CADM2: variants seen among roughly 807,000 people sequenced by gnomAD.
CADM2 encodes cell adhesion molecule 2.
CADM2 carries 12 observed loss-of-function variants against 49.8 expected under a neutral mutation model. The observed-to-expected ratio is 0.24, with a 90% CI of 0.15 to 0.39. The LOEUF (loss-of-function observed/expected upper bound fraction) is 0.39. Ranked by LOEUF, CADM2 falls within the 10% of genes least tolerant of loss-of-function variation. The pLI, the probability that CADM2 is intolerant of heterozygous loss-of-function variation, is 1.00. For synonymous variants in CADM2, 214 were observed against 175.4 expected (o/e 1.22, Z -1.74); for missense variants, 378 against 492.3 (o/e 0.77, Z 2.20).
chr3:85,086,739 G>A (rs1252467915), intron 1 of CADM2, among the ~76,000 whole-genome samples: 1 of 151,968 alleles, frequency 6.6e-6, no homozygotes, highest in Non-Finnish European at 1.5e-5. Flanking sequence ...GAACTTCTGA[G>A]TGTAAATGAT....
intron 1 of CADM2, among the ~76,000 whole-genome samples, chr3:85,626,661 T>C (rs1211426068): frequency 6.6e-6 from 1 of 152,098 alleles, no homozygotes; most frequent in Non-Finnish European, 1.5e-5. Flanking sequence ...AAAATAGCAA[T>C]TATTAACTCA....
intron 8 of CADM2, among the ~76,000 whole-genome samples, chr3:86,009,378 G>A (rs893105193): frequency 8.6e-5 from 13 of 151,224 alleles, no homozygotes; most frequent in African/African-American, 2.9e-4. Context: ...AAATTTAAGG[G>A]AGGAAAATCT....
Position 85,637,621 on chromosome 3 carries a change from A to AAAAT in CADM2, c.62-88898_62-88897insTAAA, listed in dbSNP as rs2064548646. 6.1e-5 allele frequency among the ~76,000 whole-genome samples: 7 copies of AAAAT among 114,526 alleles called. 1 individual carries two copies. The highest frequency in any genetic ancestry group is 1.2e-4 in the Non-Finnish European group (7 of 57,992). The allele number at this position is 114,526 out of a possible 152,430, so 75.1% of individuals were successfully genotyped here. A position where few individuals can be genotyped will look rare whatever the true frequency, so the allele number is the denominator to read the frequency against. Reference sequence around the variant, plus strand: ...GAGACTCCGTCTCAAAAAAAAAAAAAAAAATAAAATAAAATAAATAAATAA... The same window carrying AAAAT: ...GAGACTCCGTCTCAAAAAAAAAAAAAAAATAAAATAAAATAAAATAAATAAATAA... On this transcript the variant is annotated intron_variant, in intron 1 of 9. Transcript: ENST00000383699.
rs866052165 is a variant in CADM2, at chr3:85,282,452, A to G, written c.61+322784A>G. 6.1e-3 allele frequency among the ~76,000 whole-genome samples: 818 copies of G among 134,008 alleles called. 14 individuals are homozygous for G. Among genetic ancestry groups the G allele is most frequent in the African/African-American group, 0.021 (755 of 35,586 alleles). 87.9% of individuals were successfully genotyped at this position (134,008 alleles called of 152,430 possible). On this transcript the variant is annotated intron_variant, in intron 1 of 9. Coordinates refer to ENST00000383699, the MANE Select transcript of CADM2 (RefSeq NM_001167675.2). ...AAATTTTTTTTTTTTTTTTTTTTTCAGTAGAGACAGGGTTTCACTATGTTG... is the reference window on the plus strand; with the variant it reads ...AAATTTTTTTTTTTTTTTTTTTTTCGGTAGAGACAGGGTTTCACTATGTTG...
intron 1 of CADM2, among the ~76,000 whole-genome samples, chr3:85,438,893 A>G (rs1380002237): frequency 1.3e-5 from 2 of 151,966 alleles, no homozygotes; most frequent in African/African-American, 2.4e-5. Flanking sequence ...TCACTATGTT[A>G]CCTAGGCTGG....
At chr3:85,470,960 C>G (rs541177910) in intron 1 of CADM2, among the ~76,000 whole-genome samples, 1 of 152,230 alleles carries the variant, frequency 6.6e-6, no homozygotes, top group East Asian at 1.9e-4. Context: ...AAAATACAGG[C>G]AAATTCCACA....
intron 1 of CADM2, among the ~76,000 whole-genome samples, chr3:85,469,861 C>T (rs2038689069): frequency 6.6e-6 from 1 of 152,018 alleles, no homozygotes; most frequent in African/African-American, 2.4e-5. Flanking sequence ...GGGAGGTGCC[C>T]AATGAGTATT....
intron 2 of CADM2, among the ~76,000 whole-genome samples, chr3:85,733,609 T>C (rs947410897): frequency 6.6e-5 from 10 of 152,122 alleles, no homozygotes; most frequent in Non-Finnish European, 1.2e-4. Context: ...CTTTGTTTCT[T>C]GAAATGCAAA....
chr3:85,064,772 T>C (rs1057266463), intron 1 of CADM2, among the ~76,000 whole-genome samples: 1 of 152,120 alleles, frequency 6.6e-6, no homozygotes. Flanking sequence ...CTCTCTTCTC[T>C]GCTGGCTGAT....
intron 3 of CADM2, among the ~76,000 whole-genome samples, chr3:85,817,374 T>G (rs1024434120): frequency 1.1e-4 from 15 of 142,114 alleles, no homozygotes; most frequent in Admixed American, 5.4e-4. Flanking sequence ...ATATTGCATT[T>G]GGACTTTCAA....
intron 6 of CADM2, among the ~76,000 whole-genome samples, chr3:85,935,037 T>G (rs1353953359): frequency 6.6e-6 from 1 of 152,092 alleles, no homozygotes; most frequent in Non-Finnish European, 1.5e-5. Flanking sequence ...GTTACCTTTG[T>G]GTTGATTAAG....
chr3:85,607,168 A>T (rs2063560092), intron 1 of CADM2, among the ~76,000 whole-genome samples: 1 of 152,314 alleles, frequency 6.6e-6, no homozygotes, highest in South Asian at 2.1e-4. Context: ...AGACATTAAC[A>T]TTTGATAATT....
intron 1 of CADM2, among the ~76,000 whole-genome samples, chr3:85,583,048 T>G (rs2062840426): frequency 6.6e-6 from 1 of 152,160 alleles, no homozygotes; most frequent in South Asian, 2.1e-4. Flanking sequence ...TAGGAAGTGC[T>G]GAATATATGT....
intron 2 of CADM2, among the ~76,000 whole-genome samples, chr3:85,790,208 G>A (rs1411060140): frequency 6.6e-6 from 1 of 152,124 alleles, no homozygotes; most frequent in African/African-American, 2.4e-5. Context: ...TGAAATGGAG[G>A]GGAAGACAAT....
At chr3:85,734,154 T>C (rs2068041141) in intron 2 of CADM2, among the ~76,000 whole-genome samples, 2 of 152,156 alleles carry the variant, frequency 1.3e-5, no homozygotes, top group East Asian at 3.8e-4. Flanking sequence ...TGATATATAA[T>C]GGTTATCACT....
chr3:85,725,441 G>T (rs1220996416), intron 1 of CADM2, among the ~76,000 whole-genome samples: 1 of 151,868 alleles, frequency 6.6e-6, no homozygotes, highest in Non-Finnish European at 1.5e-5. Flanking sequence ...AAACAAGACT[G>T]CACATTTCCC....
intron 1 of CADM2, among the ~76,000 whole-genome samples, chr3:85,073,743 G>GA (rs1463150140): frequency 6.6e-6 from 1 of 152,022 alleles, no homozygotes; most frequent in East Asian, 1.9e-4. Context: ...AATTGAAAAT[G>GA]AAATTTTTTT....
intron 1 of CADM2, among the ~76,000 whole-genome samples, chr3:85,326,667 T>C (rs2044760184): frequency 6.6e-6 from 1 of 152,156 alleles, no homozygotes; most frequent in Non-Finnish European, 1.5e-5. Flanking sequence ...CCATTTTCAA[T>C]TGTAAAAGTC....
chr3:85,500,639 T>G, intron 1 of CADM2, among the ~76,000 whole-genome samples: 1 of 151,902 alleles, frequency 6.6e-6, no homozygotes, highest in South Asian at 2.1e-4. Context: ...TGCCTCAGTC[T>G]CCCAAGTAGC....
Sources: gnomAD v4.1 joint callset for allele counts (sites outside exome capture counted in the v4.1 genomes callset) on GRCh38, gnomAD v4.1.1 for gene constraint, MANE v1.5 for transcripts, NCBI Gene and HGNC (gene_info 2026-07-23, HGNC 2026-07-21) for gene names.